Variants in ASIC2 observed in about 807,000 individuals in gnomAD.
ASIC2 encodes acid-sensing ion channel 2.
Under a neutral mutation model 57.3 loss-of-function variants are expected in ASIC2, and 25 were observed. The observed-to-expected ratio is 0.44, with a 90% CI of 0.32 to 0.61. ASIC2 has a LOEUF of 0.61. Ranked by LOEUF, ASIC2 falls within the 20% of genes least tolerant of loss-of-function variation. The pLI, the probability that ASIC2 is intolerant of heterozygous loss-of-function variation, is 0.06. For missense variants in ASIC2, 641 were observed against 738.1 expected (o/e 0.87, Z 1.52); for synonymous variants, 319 against 307.5 (o/e 1.04, Z -0.39).
intron 1 of ASIC2, among the ~76,000 whole-genome samples, chr17:33,429,531 C>T (rs1303353175): frequency 2.6e-5 from 4 of 152,082 alleles, no homozygotes; most frequent in Non-Finnish European, 4.4e-5. Flanking sequence ...GCTGGGACTA[C>T]AGGCGCCTGC....
At chr17:33,332,336 A>G (rs911229074) in intron 1 of ASIC2, among the ~76,000 whole-genome samples, 1 of 152,228 alleles carries the variant, frequency 6.6e-6, no homozygotes, top group Non-Finnish European at 1.5e-5. Flanking sequence ...TTTTTAAAAC[A>G]TGTTTTATCT....
intron 3 of ASIC2, among the ~76,000 whole-genome samples, chr17:33,061,734 A>G (rs573394674): frequency 1.3e-5 from 2 of 152,288 alleles, no homozygotes; most frequent in African/African-American, 4.8e-5. Context: ...TTCGGAAGGA[A>G]TGGTACCAGC....
intron 1 of ASIC2, among the ~76,000 whole-genome samples, chr17:33,441,649 T>G (rs1911826599): frequency 6.6e-6 from 1 of 152,198 alleles, no homozygotes; most frequent in East Asian, 1.9e-4. Context: ...AAGGACCTCA[T>G]TTCAGTGGTG....
intron 1 of ASIC2, among the ~76,000 whole-genome samples, chr17:33,927,501 G>A (rs565274456): frequency 6.6e-6 from 1 of 152,298 alleles, no homozygotes; most frequent in South Asian, 2.1e-4. Flanking sequence ...ACAGCAATAG[G>A]CACTATCAAT....
At chr17:33,178,819 G>A (rs1905865541) in intron 1 of ASIC2, among the ~76,000 whole-genome samples, 1 of 152,232 alleles carries the variant, frequency 6.6e-6, no homozygotes, top group South Asian at 2.1e-4. Flanking sequence ...AAGTATGAAT[G>A]AGCTGGCTTA....
intron 1 of ASIC2, chr17:34,037,645 C>T (rs577871993): frequency 3.1e-5 from 50 of 1,608,692 alleles, no homozygotes; most frequent in Non-Finnish European, 3.9e-5. Context: ...TGTTATTGGA[C>T]GCCCCAGAGG....
At chr17:34,083,635 C>A (rs1909982539) in intron 1 of ASIC2, among the ~76,000 whole-genome samples, 1 of 152,162 alleles carries the variant, frequency 6.6e-6, no homozygotes, top group Admixed American at 6.5e-5. Flanking sequence ...TACAGTCCCA[C>A]CAACAGTGTA....
intron 1 of ASIC2, among the ~76,000 whole-genome samples, chr17:33,526,362 A>AT (rs1296558038): frequency 1.3e-5 from 2 of 152,094 alleles, no homozygotes; most frequent in South Asian, 2.1e-4. Flanking sequence ...CTTACTAGTC[A>AT]TGTCTCCCTC....
chr17:33,858,070 A>G (rs530102205), intron 1 of ASIC2, among the ~76,000 whole-genome samples: 1 of 152,310 alleles, frequency 6.6e-6, no homozygotes, highest in Non-Finnish European at 1.5e-5. Flanking sequence ...AGCTCTAGTC[A>G]TCCACAGAAT....
chr17:33,444,952 T>C (rs1400536851), intron 1 of ASIC2, among the ~76,000 whole-genome samples: 1 of 152,228 alleles, frequency 6.6e-6, no homozygotes. Context: ...GTTTACATAC[T>C]TCTATGGATG....
intron 3 of ASIC2, among the ~76,000 whole-genome samples, chr17:33,078,875 A>C (rs2092100562): frequency 6.6e-6 from 1 of 152,230 alleles, no homozygotes. Context: ...GTGATCAATA[A>C]ATGTCAATAT....
intron 1 of ASIC2, among the ~76,000 whole-genome samples, chr17:33,892,023 C>T (rs1409058213): frequency 6.6e-6 from 1 of 152,122 alleles, no homozygotes; most frequent in Non-Finnish European, 1.5e-5. Context: ...TTTAATGAGC[C>T]ATGCAGTTTA....
In ASIC2 at chr17:33,130,617, G is replaced by C. The variant is rs12945917; in HGVS notation, c.709-18550C>G. ...AACTCCCCAACCCCCCAAGAGTCTG[G>C]GATATTGGAGGATATTGTCAAGAGC... is the stretch of plus-strand genomic sequence containing the variant. On this transcript the variant is annotated intron_variant, in intron 1 of 9. Transcript: ENST00000225823. Among the ~76,000 whole-genome samples, 646 of 152,238 alleles carry C rather than the reference G, an allele frequency of 4.2e-3. 2 individuals are homozygous for C. Among genetic ancestry groups the C allele is most frequent in the African/African-American group, 0.014 (596 of 41,540 alleles).
intron 3 of ASIC2, among the ~76,000 whole-genome samples, chr17:33,064,164 A>G (rs9893549): frequency 0.013 from 1,926 of 152,294 alleles, 35 homozygotes; most frequent in African/African-American, 0.044. Context: ...TCAGCTCGTC[A>G]AAGTCATTCT....
At chr17:33,082,417 G>C (rs1278480819) in intron 3 of ASIC2, among the ~76,000 whole-genome samples, 1 of 152,200 alleles carries the variant, frequency 6.6e-6, no homozygotes, top group Non-Finnish European at 1.5e-5. Flanking sequence ...TGACTTGGAA[G>C]TCCAGGCATG....
chr17:33,446,511 A>C (rs548958342), intron 1 of ASIC2, among the ~76,000 whole-genome samples: 3 of 152,286 alleles, frequency 2.0e-5, no homozygotes, highest in Non-Finnish European at 4.4e-5. Context: ...TACCACGCTG[A>C]AAGCATCTGT....
intron 1 of ASIC2, among the ~76,000 whole-genome samples, chr17:33,488,889 C>T (rs1331250786): frequency 1.3e-5 from 2 of 152,130 alleles, no homozygotes; most frequent in Non-Finnish European, 2.9e-5. Flanking sequence ...CAGAGTTGGC[C>T]TCTCTGATGG....
intron 1 of ASIC2, among the ~76,000 whole-genome samples, chr17:33,520,206 G>A (rs1442591965): frequency 6.6e-6 from 1 of 152,182 alleles, no homozygotes; most frequent in Non-Finnish European, 1.5e-5. Context: ...TAATAATCCT[G>A]TTGTGATTAG....
At chr17:33,835,324 A>G (rs1913242142) in intron 1 of ASIC2, among the ~76,000 whole-genome samples, 1 of 152,220 alleles carries the variant, frequency 6.6e-6, no homozygotes, top group African/African-American at 2.4e-5. Flanking sequence ...TCTCTTACAC[A>G]TGAATTGCTC....
Sources: allele counts gnomAD v4.1 joint callset (sites outside exome capture counted in the v4.1 genomes callset), GRCh38; gene constraint gnomAD v4.1.1; transcripts MANE v1.5; gene names NCBI Gene and HGNC (gene_info 2026-07-23, HGNC 2026-07-21).